The following ZC3HC1 variants were observed in gnomAD, a reference collection of about 807,000 sequenced individuals.
The protein encoded by ZC3HC1 is zinc finger C3HC-type protein 1.
A neutral mutation model predicts 61.9 loss-of-function variants in ZC3HC1; 38 were observed. That is an observed-to-expected ratio of 0.61 (90% CI 0.47 to 0.81). The LOEUF (loss-of-function observed/expected upper bound fraction) is 0.81, where lower values mean the gene tolerates loss of function less well. Among genes scored for constraint, ZC3HC1 ranks in the 30% least tolerant of loss-of-function variants. The probability of loss-of-function intolerance (pLI) is 0.00; values close to 1 mark genes in which losing one functional copy is unlikely to be tolerated. For missense variants in ZC3HC1, 554 were observed against 622.7 expected (o/e 0.89, Z 1.17); for synonymous variants, 213 against 229.9 (o/e 0.93, Z 0.67).
intron 4 of ZC3HC1, among the ~76,000 whole-genome samples, chr7:130,031,452 A>G (rs1426176430): frequency 6.6e-6 from 1 of 152,096 alleles, no homozygotes; most frequent in Non-Finnish European, 1.5e-5. Context: ...GAGAACCACC[A>G]TTATTTGATC....
At chr7:130,027,813 C>T (rs1315490111) in intron 5 of ZC3HC1, among the ~76,000 whole-genome samples, 2 of 152,024 alleles carry the variant, frequency 1.3e-5, no homozygotes, top group Non-Finnish European at 2.9e-5. Flanking sequence ...GCCACTGTGC[C>T]CGGGCTGACT....
intron 4 of ZC3HC1, among the ~76,000 whole-genome samples, chr7:130,030,914 T>C (rs13309137): frequency 6.7e-6 from 1 of 149,976 alleles, no homozygotes; most frequent in African/African-American, 2.4e-5. Flanking sequence ...ATGATCCGCC[T>C]GCCTCGGCCT....
At chr7:130,034,687 A>T (rs1794362884) in intron 4 of ZC3HC1, among the ~76,000 whole-genome samples, 1 of 151,974 alleles carries the variant, frequency 6.6e-6, no homozygotes, top group Admixed American at 6.6e-5. Context: ...TTCTTTGTAG[A>T]GACAGGGTGC....
intron 4 of ZC3HC1, among the ~76,000 whole-genome samples, chr7:130,037,708 T>C (rs1043579778): frequency 1.3e-5 from 2 of 152,148 alleles, no homozygotes; most frequent in Admixed American, 1.3e-4. Context: ...ATTTTCTCCT[T>C]TTAGTGGTAA....
intron 4 of ZC3HC1, among the ~76,000 whole-genome samples, chr7:130,034,430 A>G (rs1794346368): frequency 7.8e-6 from 1 of 128,014 alleles, no homozygotes; most frequent in Non-Finnish European, 1.6e-5. Context: ...GCTTGCAGTG[A>G]GCCGAGACCC....
chr7:130,042,455 C>G (rs913946034), intron 2 of ZC3HC1, among the ~76,000 whole-genome samples: 5 of 152,112 alleles, frequency 3.3e-5, no homozygotes, highest in Non-Finnish European at 7.3e-5. Context: ...GTTAAACACA[C>G]AGAAATATTT....
chr7:130,045,098 G>A (rs1207591230), intron 2 of ZC3HC1, among the ~76,000 whole-genome samples: 1 of 152,176 alleles, frequency 6.6e-6, no homozygotes, highest in Non-Finnish European at 1.5e-5. Context: ...GAGGATTGGA[G>A]GGTAGTAATT....
At chr7:130,035,638 C>T (rs758595852) in intron 4 of ZC3HC1, among the ~76,000 whole-genome samples, 11 of 152,004 alleles carry the variant, frequency 7.2e-5, no homozygotes, top group South Asian at 2.1e-4. Flanking sequence ...TGTGCCACCA[C>T]GCCCGGCTAA....
chr7:130,040,463 C>T (rs1203159190), intron 3 of ZC3HC1, among the ~76,000 whole-genome samples: 1 of 119,446 alleles, frequency 8.4e-6, no homozygotes, highest in Admixed American at 8.8e-5. Flanking sequence ...CACTGCACTC[C>T]ATCCAGCCTG....
intron 4 of ZC3HC1, among the ~76,000 whole-genome samples, chr7:130,037,184 C>G (rs534213911): frequency 6.6e-6 from 1 of 152,330 alleles, no homozygotes; most frequent in Non-Finnish European, 1.5e-5. Flanking sequence ...CTCACGCCTA[C>G]AGGCCTCCCA....
At position 130,049,118 on chromosome 7, in the gene ZC3HC1, G is replaced by A. The variant is rs2116784510; in HGVS notation, c.173C>T (p.Ser58Leu). The A allele has an allele frequency of 3.1e-6, 5 of 1,602,818 alleles. No homozygotes were observed. The highest frequency in any genetic ancestry group is 4.3e-6 in the Non-Finnish European group (5 of 1,175,056). ...TTCCGCTTGGGGTGATCCATTAACT[G>A]ACTGGGATGTGGCAGACGTGTCCTT... The part of the protein sequence containing the change: ...DAKDTSATSQ[S>L]VNGSPQAEQP... Residue 58 changes from serine to leucine, a missense_variant, in exon 2 of 10, where the codon TCA becomes TTA. Coordinates refer to ENST00000358303, the MANE Select transcript of ZC3HC1 (RefSeq NM_016478.5).
At chr7:130,026,395 A>G in intron 5 of ZC3HC1, 83 bp from the exon 6 acceptor site, 2 of 1,431,052 alleles carry the variant, frequency 1.4e-6, no homozygotes, top group African/African-American at 2.9e-5. Flanking sequence ...AGATGGTACA[A>G]GCCGAAAATC....
chr7:130,030,493 C>A (rs965809842), intron 4 of ZC3HC1, among the ~76,000 whole-genome samples: 1 of 152,028 alleles, frequency 6.6e-6, no homozygotes, highest in Admixed American at 6.6e-5. Flanking sequence ...AGTCACCACG[C>A]CCAGCCCTGA....
chr7:130,019,927 C>A (rs574436138), intron 9 of ZC3HC1, among the ~76,000 whole-genome samples: 11 of 150,674 alleles, frequency 7.3e-5, no homozygotes, highest in African/African-American at 2.7e-4. Flanking sequence ...AGCGATTCTC[C>A]TGCCTCAGCC....
chr7:130,035,812 GA>G (rs1186356087), intron 4 of ZC3HC1, among the ~76,000 whole-genome samples: 5 of 152,128 alleles, frequency 3.3e-5, no homozygotes, highest in Non-Finnish European at 7.4e-5. Flanking sequence ...CTGTATTGCA[GA>G]ATGTGGATTT....
chr7:130,018,803 A>G, intron 9 of ZC3HC1, 71 bp from the exon 10 acceptor site: 1 of 1,360,112 alleles, frequency 7.4e-7, no homozygotes, highest in South Asian at 1.2e-5. Context: ...CATTTGTCCC[A>G]CAATGATCTG....
intron 5 of ZC3HC1, among the ~76,000 whole-genome samples, chr7:130,028,359 T>C (rs925288561): frequency 2.6e-5 from 4 of 151,680 alleles, no homozygotes; most frequent in African/African-American, 7.3e-5. Flanking sequence ...CTGACCAATA[T>C]GGTGAAACCC....
chr7:130,024,968 C>T (rs1004228840), intron 6 of ZC3HC1, among the ~76,000 whole-genome samples: 2 of 126,966 alleles, frequency 1.6e-5, no homozygotes, highest in South Asian at 5.5e-4. Flanking sequence ...TGCAATGGTG[C>T]GATCTCAGCT....
intron 4 of ZC3HC1, among the ~76,000 whole-genome samples, chr7:130,037,207 G>A (rs1794464103): frequency 6.6e-6 from 1 of 152,216 alleles, no homozygotes; most frequent in Admixed American, 6.5e-5. Flanking sequence ...AATTCTGGAG[G>A]CCAAGGCAGG....
Sources: allele counts gnomAD v4.1 joint callset (sites outside exome capture counted in the v4.1 genomes callset), GRCh38; gene constraint gnomAD v4.1.1; transcripts MANE v1.5; gene names NCBI Gene and HGNC (gene_info 2026-07-23, HGNC 2026-07-21).